The following KANK1 variants were observed in gnomAD, a reference collection of about 807,000 sequenced individuals.
KANK1 encodes the protein KN motif and ankyrin repeat domains 1.
A neutral mutation model predicts 106.2 loss-of-function variants in KANK1; 109 were observed. That is an observed-to-expected ratio of 1.03 (90% CI 0.88 to 1.20). The LOEUF is 1.20. Among genes scored for constraint, KANK1 ranks in the 50% most tolerant of loss-of-function variants. The pLI is 0.00. For missense variants in KANK1, 2,399 were observed against 1,710.7 expected (o/e 1.40, Z -7.10); for synonymous variants, 873 against 652.2 (o/e 1.34, Z -5.16).
chr9:682,183 G>C (rs548048821), intron 2 of KANK1, among the ~76,000 whole-genome samples: 1 of 152,108 alleles, frequency 6.6e-6, no homozygotes, highest in Admixed American at 6.5e-5. Flanking sequence ...GGGAGGCTGA[G>C]GCAGGAGAAT....
intron 1 of KANK1, among the ~76,000 whole-genome samples, chr9:566,107 A>AGATG (rs1817739444): frequency 6.6e-6 from 1 of 152,158 alleles, no homozygotes; most frequent in Non-Finnish European, 1.5e-5. Flanking sequence ...ATAAGTGACA[A>AGATG]CGTGTAGTAT....
chr9:606,211 T>C (rs1383266197), intron 1 of KANK1, among the ~76,000 whole-genome samples: 1 of 150,808 alleles, frequency 6.6e-6, no homozygotes, highest in African/African-American at 2.5e-5. Context: ...TACATACATA[T>C]ATAATAGAAT....
At chr9:518,417 C>CT (rs1554608902) in intron 1 of KANK1, among the ~76,000 whole-genome samples, 2 of 151,724 alleles carry the variant, frequency 1.3e-5, no homozygotes, top group Admixed American at 6.5e-5. Flanking sequence ...GCAGTTTTTA[C>CT]TTTACCGTTT....
chr9:535,494 G>A (rs2060255700), intron 1 of KANK1, among the ~76,000 whole-genome samples: 3 of 152,178 alleles, frequency 2.0e-5, no homozygotes, highest in South Asian at 2.1e-4. Context: ...TGACCTCACA[G>A]GTACTATGAT....
intron 1 of KANK1, among the ~76,000 whole-genome samples, chr9:564,878 G>A (rs1266536887): frequency 1.3e-5 from 2 of 152,166 alleles, no homozygotes; most frequent in African/African-American, 4.8e-5. Flanking sequence ...GCTTCTCTTG[G>A]GAAGCCCACT....
intron 3 of KANK1, among the ~76,000 whole-genome samples, chr9:725,804 T>C (rs1361992022): frequency 2.0e-5 from 3 of 152,178 alleles, no homozygotes; most frequent in Non-Finnish European, 4.4e-5. Flanking sequence ...TTTCTTCATA[T>C]TGCCTCAAAA....
intron 1 of KANK1, among the ~76,000 whole-genome samples, chr9:617,440 G>A (rs1265593650): frequency 6.6e-6 from 1 of 152,094 alleles, no homozygotes; most frequent in African/African-American, 2.4e-5. Context: ...ATGTTCACAC[G>A]GGTTTATCTG....
rs759756894 is a variant in KANK1, at chr9:712,061, A to C, written c.1295A>C (p.Glu432Ala). 1.2e-6 allele frequency: 2 copies of C among 1,614,140 alleles called. No homozygotes were observed. The highest frequency in any genetic ancestry group is 2.7e-5 in the African/African-American group (2 of 75,040). Residue 432 changes from glutamate (E) to alanine (A), a missense_variant, in exon 3 of 12, where the codon GAG becomes GCG. Glu to Ala is a moderately radical substitution (Grantham distance 107). Coordinates refer to ENST00000382297, the MANE Select transcript of KANK1 (RefSeq NM_015158.5). ...CKDAAVGTLV[E>A]MRNCGVSVTE... ...GATGCAGCTGTAGGGACACTTGTTG[A>C]GATGAGAAATTGTGGGGTCAGCGTG...
chr9:707,123 AC>A (rs1824479276), intron 2 of KANK1: 1 of 985,338 alleles, frequency 1.0e-6, no homozygotes, highest in Admixed American at 6.1e-5. Context: ...GGCCAAGTTT[AC>A]ACGAATGTTG....
chr9:606,067 C>A (rs1829030742), intron 1 of KANK1, among the ~76,000 whole-genome samples: 1 of 150,670 alleles, frequency 6.6e-6, no homozygotes, highest in South Asian at 2.1e-4. Context: ...TCATGTCTTC[C>A]CTTCTGAAAA....
chr9:694,459 T>C (rs1037551383), intron 2 of KANK1, among the ~76,000 whole-genome samples: 1 of 152,184 alleles, frequency 6.6e-6, no homozygotes, highest in African/African-American at 2.4e-5. Context: ...GCAACAACTT[T>C]TAAAATGAGA....
chr9:742,262 G>A lies in KANK1; in HGVS notation c.3754G>A (p.Gly1252Ser). Reference sequence around the variant, plus strand: ...TCACGGACGGATAGACATGGTGAAGGGCCTTCTGGCCTGTGGGGCTGATGT... The same window carrying A: ...TCACGGACGGATAGACATGGTGAAGAGCCTTCTGGCCTGTGGGGCTGATGT... ...VSHGRIDMVK[G>S]LLACGADVNI... Residue 1252 changes from glycine (G) to serine (S), a missense_variant, in exon 10 of 12, where the codon GGC becomes AGC. Coordinates refer to ENST00000382297, the MANE Select transcript of KANK1 (RefSeq NM_015158.5). 6.2e-7 allele frequency: 1 copy of A among 1,614,148 alleles called. No individual in the cohort carries two copies. The highest frequency in any genetic ancestry group is 8.5e-7 in the Non-Finnish European group (1 of 1,180,014).
intron 1 of KANK1, among the ~76,000 whole-genome samples, chr9:552,061 A>G (rs2061317889): frequency 6.6e-6 from 1 of 152,098 alleles, no homozygotes; most frequent in South Asian, 2.1e-4. Flanking sequence ...CAAAAAAACA[A>G]AAATAAAGGG....
At chr9:727,485 T>C (rs1831008135) in intron 3 of KANK1, among the ~76,000 whole-genome samples, 1 of 151,644 alleles carries the variant, frequency 6.6e-6, no homozygotes, top group Non-Finnish European at 1.5e-5. Flanking sequence ...CCCAGCTAAT[T>C]TTTGTATTTT....
chr9:607,636 C>T (rs1009483600), intron 1 of KANK1, among the ~76,000 whole-genome samples: 1 of 151,694 alleles, frequency 6.6e-6, no homozygotes, highest in East Asian at 1.9e-4. Context: ...ATGTGCCTCA[C>T]CCAGTCCAGG....
At position 606,131 on chromosome 9, in the gene KANK1, A is replaced by G. The variant is rs1263675321; in HGVS notation, c.-83-70759A>G. 1.3e-4 allele frequency among the ~76,000 whole-genome samples: 17 copies of G among 132,058 alleles called. No individual in the cohort carries two copies. In the Admixed American group the frequency reaches 1.4e-3, roughly 11 times the overall value. 86.6% of individuals were successfully genotyped at this position (132,058 alleles called of 152,430 possible). A position where few individuals can be genotyped will look rare whatever the true frequency, so the allele number is the denominator to read the frequency against. The stretch of plus-strand genomic sequence containing the variant: ...TTCCCCCAGTATATAGCATTGAATT[A>G]CACATATTCCTACACACACACACAC... On this transcript the variant is annotated intron_variant, in intron 1 of 11. Coordinates refer to ENST00000382297, the MANE Select transcript of KANK1 (RefSeq NM_015158.5).
intron 1 of KANK1, among the ~76,000 whole-genome samples, chr9:639,623 T>C (rs534626393): frequency 6.6e-6 from 1 of 152,280 alleles, no homozygotes; most frequent in African/African-American, 2.4e-5. Flanking sequence ...GGCCTGATCT[T>C]AGATGATTTA....
At chr9:643,333 C>G (rs1195475136) in intron 1 of KANK1, among the ~76,000 whole-genome samples, 1 of 150,714 alleles carries the variant, frequency 6.6e-6, no homozygotes, top group Non-Finnish European at 1.5e-5. Flanking sequence ...TTAAGATCTG[C>G]TTTTTGCCAT....
rs751618712 is a variant in KANK1 at position 744,657 on chromosome 9, C to T, written c.3996+68C>T. ...ACCAGACTGGTGGACCCCCTTCCTCCAGGAATTGACGGGAGACAGATTTTA... is the reference window on the plus strand; with the variant it reads ...ACCAGACTGGTGGACCCCCTTCCTCTAGGAATTGACGGGAGACAGATTTTA... On this transcript the variant is annotated intron_variant, in intron 11 of 11. Transcript: ENST00000382297. The T allele has an allele frequency of 5.6e-6, 9 of 1,613,100 alleles. No homozygotes were observed. The East Asian group carries it at 1.6e-4, about 28-fold the overall frequency.
Sources: gnomAD v4.1 joint callset for allele counts (sites outside exome capture counted in the v4.1 genomes callset) on GRCh38, gnomAD v4.1.1 for gene constraint, MANE v1.5 for transcripts, NCBI Gene and HGNC (gene_info 2026-07-23, HGNC 2026-07-21) for gene names.